PLXNA4: variants seen among roughly 807,000 people sequenced by gnomAD.
The protein encoded by PLXNA4 is plexin-A4.
PLXNA4 carries 44 observed loss-of-function variants against 191.8 expected under a neutral mutation model. The ratio of observed to expected loss-of-function variants is 0.23; its 90% confidence interval spans 0.18 to 0.29. The LOEUF (loss-of-function observed/expected upper bound fraction) is 0.29, where lower values mean the gene tolerates loss of function less well. Ranked by LOEUF, PLXNA4 falls within the 10% of genes least tolerant of loss-of-function variation. PLXNA4 has a pLI of 1.00. For missense variants in PLXNA4, 1,800 were observed against 2,488.8 expected (o/e 0.72, Z 5.89); for synonymous variants, 1,082 against 1,009.5 (o/e 1.07, Z -1.36).
chr7:132,550,474 T>C (rs948117411), intron 1 of PLXNA4, among the ~76,000 whole-genome samples: 2 of 152,272 alleles, frequency 1.3e-5, no homozygotes, highest in African/African-American at 4.8e-5. Flanking sequence ...ACAGGGAGAA[T>C]AGCAATGAGA....
In PLXNA4 at chr7:132,128,924, ACCTAAGGTCT is replaced by A; in HGVS notation, c.*1545_*1554del. 1 of 152,314 alleles carries A rather than the reference ACCTAAGGTCT, an allele frequency of 6.6e-6. No individual in the cohort carries two copies. The highest frequency in any genetic ancestry group is 2.1e-4 in the South Asian group (1 of 4,826). The allele number at this position is 152,314 out of a possible 1,614,324, so 9.4% of individuals were successfully genotyped here. A position where few individuals can be genotyped will look rare whatever the true frequency, so the allele number is the denominator to read the frequency against. The stretch of plus-strand genomic sequence containing the variant: ...AGGATGGGAGACTGCACCAGACAGC[ACCTAAGGTCT>A]CCTTAGGATGAAAGGTTCCTAGAAC... On this transcript the variant is annotated 3_prime_UTR_variant, in exon 32 of 32. Coordinates refer to ENST00000321063, the MANE Select transcript of PLXNA4 (RefSeq NM_020911.2).
chr7:132,179,587 T>C lies in PLXNA4; in HGVS notation c.3874+100A>G, dbSNP rs559237575. 4.7e-6 allele frequency: 7 copies of C among 1,494,046 alleles called. No individual in the cohort carries two copies. The African/African-American group carries it at 6.9e-5, about 15-fold the overall frequency. The allele number at this position is 1,494,046 out of a possible 1,614,324, so 92.5% of individuals were successfully genotyped here. A position where few individuals can be genotyped will look rare whatever the true frequency, so the allele number is the denominator to read the frequency against. The stretch of plus-strand genomic sequence containing the variant: ...GCCCACTGCTGCCCAGCCTGCTTGT[T>C]TGTATATGAAACATATGCATACACA... On this transcript the variant is annotated intron_variant, in intron 20 of 31. Coordinates refer to ENST00000321063, the MANE Select transcript of PLXNA4 (RefSeq NM_020911.2).
At chr7:132,223,391 G>C in intron 9 of PLXNA4, 136 bp downstream of exon 9, 1 of 697,230 alleles carries the variant, frequency 1.4e-6, no homozygotes, top group Middle Eastern at 3.8e-4. Flanking sequence ...TTTATAAAGT[G>C]GACCCTTAAG....
rs931838918 is a variant in PLXNA4, at chr7:132,568,422, C to T, written c.-87+8000G>A. The stretch of plus-strand genomic sequence containing the variant: ...TAGTCGACTAGTGTTGACACAGACT[C>T]GTGAATTCTGGGGCTCCTAATTGGA... On this transcript the variant is annotated intron_variant, in intron 1 of 31. Transcript: ENST00000321063. 1.2e-4 allele frequency among the ~76,000 whole-genome samples: 18 copies of T among 152,148 alleles called. No individual in the cohort carries two copies. The South Asian group carries it at 1.4e-3, about 12-fold the overall frequency.
intron 13 of PLXNA4, among the ~76,000 whole-genome samples, chr7:132,197,040 G>A (rs1265763731): frequency 6.6e-6 from 1 of 152,014 alleles, no homozygotes; most frequent in Non-Finnish European, 1.5e-5. Context: ...GATTTTTGAT[G>A]CACAAGTTTT....
intron 10 of PLXNA4, 83 bp from the exon 11 acceptor site, chr7:132,203,502 C>T (rs1030613009): frequency 3.3e-6 from 4 of 1,212,172 alleles, no homozygotes; most frequent in Admixed American, 1.8e-5. Flanking sequence ...AGCCTACGGC[C>T]GTTAAGAGCT....
intron 3 of PLXNA4, among the ~76,000 whole-genome samples, chr7:132,407,071 T>C (rs932820854): frequency 2.0e-5 from 3 of 152,182 alleles, no homozygotes; most frequent in Admixed American, 6.5e-5. Flanking sequence ...ATTCTAGTAA[T>C]AGCTACACTG....
At chr7:132,529,368 C>A (rs982797912) in intron 1 of PLXNA4, among the ~76,000 whole-genome samples, 2 of 152,224 alleles carry the variant, frequency 1.3e-5, no homozygotes, top group Non-Finnish European at 2.9e-5. Flanking sequence ...TTCTTACCCA[C>A]CTCGTGGCAT....
chr7:132,267,066 C>T (rs1472120124), intron 4 of PLXNA4, among the ~76,000 whole-genome samples: 1 of 152,090 alleles, frequency 6.6e-6, no homozygotes, highest in Non-Finnish European at 1.5e-5. Context: ...CTGAAACTGT[C>T]GCAAGGCTTG....
intron 13 of PLXNA4, among the ~76,000 whole-genome samples, chr7:132,195,136 T>C (rs1172380258): frequency 2.6e-5 from 4 of 152,206 alleles, no homozygotes; most frequent in Non-Finnish European, 5.9e-5. Flanking sequence ...TTTACATATA[T>C]ACAATTACAC....
Position 132,227,622 on chromosome 7 carries a change from G to T in PLXNA4, c.1729-18C>A, listed in dbSNP as rs373569258. 1.0e-4 allele frequency: 169 copies of T among 1,613,966 alleles called. No homozygotes were observed. The highest frequency in any genetic ancestry group is 1.3e-4 in the Non-Finnish European group (153 of 1,179,966). On this transcript the variant is annotated intron_variant, in intron 6 of 31. Coordinates refer to ENST00000321063, the MANE Select transcript of PLXNA4 (RefSeq NM_020911.2). The stretch of plus-strand genomic sequence containing the variant: ...AGGACCAGCTGTGAACAGCCAGGCG[G>T]GGGGAGAGAAGGAGGAGGGTGAAAT...
Position 132,385,259 on chromosome 7 carries a change from G to A in PLXNA4, c.1372-87037C>T, listed in dbSNP as rs778411872. ...GCTCTGTGGGATCGGGGTCCCGTCT[G>A]TAGCTCAAGGGTAGGGCAGAGGCTG... On this transcript the variant is annotated intron_variant, in intron 3 of 31. Transcript: ENST00000321063. The A allele has an allele frequency of 2.6e-5, 42 of 1,613,884 alleles. No individual in the cohort carries two copies. The East Asian group carries it at 7.8e-4, about 30-fold the overall frequency.
chr7:132,198,642 G>T lies in PLXNA4; in HGVS notation c.2587-6C>A. The T allele has an allele frequency of 6.2e-7, 1 of 1,613,886 alleles. No individual in the cohort carries two copies. The highest frequency in any genetic ancestry group is 8.5e-7 in the Non-Finnish European group (1 of 1,179,950). ...GGGCCTGTCACCGGGATTATCTGGA[G>T]GGAGGAAGAGAAATAATTAGACAAA... On this transcript the variant is annotated splice_region_variant and splice_polypyrimidine_tract_variant and intron_variant, in intron 12 of 31. Transcript: ENST00000321063.
chr7:132,259,626 T>C (rs920689621), intron 4 of PLXNA4, among the ~76,000 whole-genome samples: 9 of 151,994 alleles, frequency 5.9e-5, no homozygotes, highest in African/African-American at 2.2e-4. Context: ...GGTTCTTCTA[T>C]AGTGAGGGGC....
At chr7:132,325,608 C>T (rs1230180301) in intron 3 of PLXNA4, among the ~76,000 whole-genome samples, 4 of 152,166 alleles carry the variant, frequency 2.6e-5, no homozygotes, top group Non-Finnish European at 5.9e-5. Context: ...AGCAATGAAG[C>T]TGCCAGGCAA....
At chr7:132,391,141 G>C (rs1805392987) in intron 3 of PLXNA4, among the ~76,000 whole-genome samples, 1 of 152,210 alleles carries the variant, frequency 6.6e-6, no homozygotes, top group South Asian at 2.1e-4. Flanking sequence ...CAGCCAGGAG[G>C]ACGGAAGGGT....
intron 9 of PLXNA4, among the ~76,000 whole-genome samples, chr7:132,218,769 T>C (rs149053240): frequency 1.0e-3 from 159 of 152,326 alleles, no homozygotes; most frequent in Non-Finnish European, 1.6e-3. Flanking sequence ...CCAGGGCTGT[T>C]ATCATAATGC....
intron 18 of PLXNA4, among the ~76,000 whole-genome samples, chr7:132,181,144 A>G (rs1435659845): frequency 6.6e-6 from 1 of 152,204 alleles, no homozygotes; most frequent in African/African-American, 2.4e-5. Flanking sequence ...GGACAATAAA[A>G]GCTTGAGAGT....
chr7:132,375,885 G>C (rs1268804689), intron 3 of PLXNA4, among the ~76,000 whole-genome samples: 1 of 152,140 alleles, frequency 6.6e-6, no homozygotes, highest in Non-Finnish European at 1.5e-5. Flanking sequence ...GTGGAATTTA[G>C]AAAGGAAAAA....
Sources: gnomAD v4.1 joint callset for allele counts (sites outside exome capture counted in the v4.1 genomes callset) on GRCh38, gnomAD v4.1.1 for gene constraint, MANE v1.5 for transcripts, NCBI Gene and HGNC (gene_info 2026-07-23, HGNC 2026-07-21) for gene names.